The following TMCO1 variants were observed in gnomAD, a reference collection of about 807,000 sequenced individuals.
The protein encoded by TMCO1 is calcium load-activated calcium channel.
A neutral mutation model predicts 29.3 loss-of-function variants in TMCO1; 29 were observed. The observed-to-expected ratio is 0.99, with a 90% CI of 0.74 to 1.35. The LOEUF is 1.35. Ranked by LOEUF, TMCO1 falls within the 40% of genes most tolerant of loss-of-function variation. The probability of loss-of-function intolerance (pLI) is 0.00; values close to 1 mark genes in which losing one functional copy is unlikely to be tolerated. For missense variants in TMCO1, 173 were observed against 225.5 expected, an observed-to-expected ratio of 0.77 and a Z score of 1.49; for synonymous variants, 80 against 77.1, an observed-to-expected ratio of 1.04 and a Z score of -0.20.
intron 6 of TMCO1, among the ~76,000 whole-genome samples, chr1:165,733,797 A>C (rs915819011): frequency 6.6e-6 from 1 of 152,244 alleles, no homozygotes; most frequent in Non-Finnish European, 1.5e-5. Flanking sequence ...TATACCCAGA[A>C]GAGAAAAACA....
chr1:165,768,612 G>T, intron 1 of TMCO1, 70 bp downstream of exon 1: 1 of 1,612,058 alleles, frequency 6.2e-7, no homozygotes, highest in Non-Finnish European at 8.5e-7. Flanking sequence ...CTTTCCCCTG[G>T]TGGCACAGGG....
Position 165,727,255 on chromosome 1 carries a change from A to T in TMCO1, c.*768T>A, listed in dbSNP as rs754972149. 3.5e-5 allele frequency: 16 copies of T among 451,050 alleles called. No individual in the cohort carries two copies. The highest frequency in any genetic ancestry group is 7.1e-5 in the Non-Finnish European group (16 of 226,178). 27.9% of individuals were successfully genotyped at this position (451,050 alleles called of 1,614,324 possible). On this transcript the variant is annotated 3_prime_UTR_variant, in exon 7 of 7. Coordinates refer to ENST00000367881, the MANE Select transcript of TMCO1 (RefSeq NM_019026.6). ...AGAGACTGTAATAGGATATGAAGAG[A>T]ACAGCTGAGGACCCTCATTTTTATT...
intron 2 of TMCO1, among the ~76,000 whole-genome samples, chr1:165,761,777 C>T (rs1458772237): frequency 1.3e-5 from 2 of 151,096 alleles, no homozygotes; most frequent in Non-Finnish European, 2.9e-5. Context: ...GGTGAAACCT[C>T]GTCTCTACCA....
At chr1:165,728,417 C>A (rs954322906) in intron 6 of TMCO1, among the ~76,000 whole-genome samples, 4 of 151,902 alleles carry the variant, frequency 2.6e-5, no homozygotes, top group Non-Finnish European at 5.9e-5. Context: ...CCACCACACC[C>A]GGCTAATTTT....
chr1:165,751,013 T>A (rs1264609412), intron 5 of TMCO1, among the ~76,000 whole-genome samples: 1 of 152,112 alleles, frequency 6.6e-6, no homozygotes, highest in Non-Finnish European at 1.5e-5. Context: ...GAAGTTGCAG[T>A]GAGCTGAGAT....
At chr1:165,751,466 G>C (rs1353867637) in intron 5 of TMCO1, among the ~76,000 whole-genome samples, 3 of 152,178 alleles carry the variant, frequency 2.0e-5, no homozygotes, top group African/African-American at 7.2e-5. Context: ...CACTTTGGGA[G>C]GCCGAGGCAG....
intron 5 of TMCO1, 34 bp from the exon 6 acceptor site, chr1:165,743,345 T>G: frequency 6.2e-7 from 1 of 1,600,470 alleles, no homozygotes; most frequent in Non-Finnish European, 8.5e-7. Context: ...AATTGTTATC[T>G]TTGGAAGACT....
At chr1:165,728,631 G>A (rs911744159) in intron 6 of TMCO1, among the ~76,000 whole-genome samples, 1 of 152,132 alleles carries the variant, frequency 6.6e-6, no homozygotes, top group Admixed American at 6.5e-5. Flanking sequence ...CTTACCTGAT[G>A]AGACCTTGGT....
At chr1:165,744,595 C>T (rs1415291388) in intron 5 of TMCO1, among the ~76,000 whole-genome samples, 1 of 151,926 alleles carries the variant, frequency 6.6e-6, no homozygotes, top group Non-Finnish European at 1.5e-5. Context: ...AGTTCGAGAC[C>T]AGCTGACCAA....
chr1:165,729,379 C>T lies in TMCO1; in HGVS notation c.469-1258G>A, dbSNP rs891252968. Among the ~76,000 whole-genome samples, 15 of 150,998 alleles carry T rather than the reference C, an allele frequency of 9.9e-5. No homozygotes were observed. In the East Asian group the frequency reaches 2.9e-3, roughly 29 times the overall value. On this transcript the variant is annotated intron_variant, in intron 6 of 6. Transcript: ENST00000367881. ...TCATCCAAGCTAGAGTACAGTGGCA[C>T]GATGTCGGCTCACAGTAACCTCTGC...
At chr1:165,725,028 A>G (rs200506536), downstream of TMCO1, 16 of 105,546 alleles carry the variant, frequency 1.5e-4, no homozygotes, top group Non-Finnish European at 5.2e-5. Flanking sequence ...CTCTCTCTAT[A>G]TATATATATA....
At chr1:165,754,465 C>T (rs966882979) in intron 3 of TMCO1, among the ~76,000 whole-genome samples, 191 bp from the exon 4 acceptor site, 29 of 152,112 alleles carry the variant, frequency 1.9e-4, no homozygotes, top group Admixed American at 1.5e-3. Flanking sequence ...CAAAATATTT[C>T]AATTTAAATA....
intron 3 of TMCO1, among the ~76,000 whole-genome samples, chr1:165,758,553 T>C (rs1368101048): frequency 1.3e-5 from 2 of 151,496 alleles, no homozygotes; most frequent in East Asian, 1.9e-4. Context: ...TGAAACTCTG[T>C]CTCAAAAAAA....
chr1:165,768,349 G>A, intron 1 of TMCO1, 80 bp from the exon 2 acceptor site: 2 of 1,527,972 alleles, frequency 1.3e-6, no homozygotes, highest in Non-Finnish European at 1.8e-6. Flanking sequence ...GTTGGAGAAG[G>A]AGGAATTCCA....
chr1:165,755,943 T>G (rs1025154636), intron 3 of TMCO1, among the ~76,000 whole-genome samples: 2 of 152,102 alleles, frequency 1.3e-5, no homozygotes, highest in African/African-American at 4.8e-5. Flanking sequence ...TAGAAAATTT[T>G]GGGAAAATAA....
At chr1:165,732,339 T>G in intron 6 of TMCO1, among the ~76,000 whole-genome samples, 1 of 142,290 alleles carries the variant, frequency 7.0e-6, no homozygotes, top group East Asian at 2.1e-4. Context: ...TTAAGCCACC[T>G]CTCTGTAACA....
intron 5 of TMCO1, among the ~76,000 whole-genome samples, chr1:165,743,864 C>CT (rs1173483545): frequency 7.8e-4 from 111 of 141,538 alleles, no homozygotes; most frequent in Middle Eastern, 3.6e-3. Flanking sequence ...CTGATAATTC[C>CT]TTTTTTTTTT....
rs767734233 is a variant in TMCO1, at chr1:165,768,676, T to G, written c.70+6A>C. ...GATCAAACGTCTGAGAAATACCCGC[T>G]CTCACCCTCTGCGAGCAGAGCCGTG... is the stretch of plus-strand genomic sequence containing the variant. On this transcript the variant is annotated splice_donor_region_variant and intron_variant, in intron 1 of 6. Coordinates refer to ENST00000367881, the MANE Select transcript of TMCO1 (RefSeq NM_019026.6). The G allele has an allele frequency of 3.3e-5, 53 of 1,613,646 alleles. 1 individual carries two copies. The South Asian group carries it at 4.8e-4, about 15-fold the overall frequency.
At chr1:165,731,254 T>G (rs976646311) in intron 6 of TMCO1, among the ~76,000 whole-genome samples, 1 of 152,160 alleles carries the variant, frequency 6.6e-6, no homozygotes, top group Non-Finnish European at 1.5e-5. Flanking sequence ...AAAAACCCAT[T>G]ACACAAAGCA....
Sources: gnomAD v4.1 joint callset for allele counts (sites outside exome capture counted in the v4.1 genomes callset) on GRCh38, gnomAD v4.1.1 for gene constraint, MANE v1.5 for transcripts, NCBI Gene and HGNC (gene_info 2026-07-23, HGNC 2026-07-21) for gene names.